C6orf89: variants seen among roughly 807,000 people sequenced by gnomAD.
C6orf89 encodes bombesin receptor-activated protein C6orf89.
In C6orf89, 29 loss-of-function variants were observed where a neutral mutation model predicts 40.7. The observed-to-expected ratio is 0.71, with a 90% CI of 0.53 to 0.97. C6orf89 has a LOEUF of 0.97. C6orf89 is among the 50% of genes least tolerant of loss of function. The pLI is 0.00. For synonymous variants in C6orf89, 165 were observed against 152.2 expected, an observed-to-expected ratio of 1.08 and a Z score of -0.62; for missense variants, 392 against 429.1, an observed-to-expected ratio of 0.91 and a Z score of 0.76.
intron 8 of C6orf89, 40 bp from the exon 9 acceptor site, chr6:36,923,307 C>G: frequency 6.5e-7 from 1 of 1,543,314 alleles, no homozygotes; most frequent in Non-Finnish European, 8.9e-7. Context: ...TGCCCACCCT[C>G]TGACATTTAC....
At chr6:36,879,583 T>C (rs767731071) in intron 2 of C6orf89, among the ~76,000 whole-genome samples, 10 of 152,206 alleles carry the variant, frequency 6.6e-5, no homozygotes, top group Non-Finnish European at 1.2e-4. Context: ...TCTAAGGTTT[T>C]GATTAATGCA....
chr6:36,919,159 A>T (rs572903684), intron 7 of C6orf89, among the ~76,000 whole-genome samples: 34 of 152,260 alleles, frequency 2.2e-4, no homozygotes, highest in Non-Finnish European at 4.1e-4. Context: ...TGTATACTTC[A>T]GCCACCATGT....
In C6orf89 at chr6:36,914,646, G is replaced by C. The variant is rs545150712; in HGVS notation, c.648G>C (p.Lys216Asn). 3.0e-5 allele frequency: 48 copies of C among 1,614,110 alleles called. No individual in the cohort carries two copies. Among genetic ancestry groups the C allele is most frequent in the Admixed American group, 8.3e-5 (5 of 60,010 alleles). The change falls in exon 6 of 9, where the codon AAG (lysine) becomes AAC (asparagine). Residue 216 changes from lysine to asparagine, a missense_variant. Physicochemically the swap from Lys to Asn is moderately conservative, Grantham distance 94. Coordinates refer to ENST00000480824, the MANE Select transcript of C6orf89 (RefSeq NM_001286635.2). Reference sequence around the variant, plus strand: ...GCTTCTCTGAAGGGTTTTTCGCCAAGTGGTGGCGCTGCTTTCCTGAGCGGT... The same window carrying C: ...GCTTCTCTGAAGGGTTTTTCGCCAACTGGTGGCGCTGCTTTCCTGAGCGGT... ...TEGFSEGFFA[K>N]WWRCFPERWF...
At chr6:36,919,915 A>G (rs549258039) in intron 8 of C6orf89, among the ~76,000 whole-genome samples, 3 of 152,362 alleles carry the variant, frequency 2.0e-5, no homozygotes, top group African/African-American at 7.2e-5. Flanking sequence ...TACAACATAT[A>G]GAATGCGTGT....
chr6:36,928,316 A>G lies in C6orf89; in HGVS notation c.*4875A>G. On this transcript the variant is annotated 3_prime_UTR_variant, in exon 9 of 9. Transcript: ENST00000480824. ...GCCGAGGTCTGAGTTTCAGACAGAA[A>G]CTGGGGAGTTGGGACATCTTCTCTG... is the stretch of plus-strand genomic sequence containing the variant. 6.6e-6 allele frequency: 1 copy of G among 152,378 alleles called. No homozygotes were observed. The highest frequency in any genetic ancestry group is 1.5e-5 in the Non-Finnish European group (1 of 68,112). 9.4% of individuals were successfully genotyped at this position (152,378 alleles called of 1,614,324 possible).
intron 4 of C6orf89, among the ~76,000 whole-genome samples, chr6:36,905,331 A>G (rs912389401): frequency 2.2e-4 from 34 of 152,178 alleles, no homozygotes; most frequent in African/African-American, 8.0e-4. Flanking sequence ...TGATGTGAGT[A>G]GTCTGTAGCT....
At chr6:36,904,941 G>A (rs1054375529) in intron 4 of C6orf89, among the ~76,000 whole-genome samples, 17 of 152,102 alleles carry the variant, frequency 1.1e-4, no homozygotes, top group African/African-American at 4.1e-4. Context: ...GGAACAAAAA[G>A]GTGACAGAGG....
intron 4 of C6orf89, among the ~76,000 whole-genome samples, chr6:36,904,249 T>C (rs1041780782): frequency 2.0e-5 from 3 of 152,228 alleles, no homozygotes; most frequent in Non-Finnish European, 4.4e-5. Context: ...CTTCTCTAAA[T>C]CATAGTTTAA....
chr6:36,909,893 C>T (rs1762064847), intron 4 of C6orf89, among the ~76,000 whole-genome samples: 1 of 151,756 alleles, frequency 6.6e-6, no homozygotes, highest in African/African-American at 2.4e-5. Context: ...TCCATTTTTC[C>T]TTTATAGCCT....
At chr6:36,897,782 C>G (rs368608268) in intron 2 of C6orf89, among the ~76,000 whole-genome samples, 1 of 152,206 alleles carries the variant, frequency 6.6e-6, no homozygotes, top group Non-Finnish European at 1.5e-5. Flanking sequence ...AGGAGGTGTG[C>G]TGGCGTGCGC....
chr6:36,890,785 C>T (rs534875355), intron 1 of C6orf89, among the ~76,000 whole-genome samples: 5 of 152,280 alleles, frequency 3.3e-5, no homozygotes, highest in South Asian at 2.1e-4. Context: ...GTGATCCACC[C>T]GCCTCAACCT....
At chr6:36,882,912 TG>T (rs1422302769), upstream of C6orf89, among the ~76,000 whole-genome samples, 1 of 151,522 alleles carries the variant, frequency 6.6e-6, no homozygotes, top group Non-Finnish European at 1.5e-5. Context: ...TAATTTTTTT[TG>T]TATTTTTAGT....
chr6:36,874,858 G>T, intron 1 of C6orf89: 2 of 1,466,746 alleles, frequency 1.4e-6, no homozygotes, highest in Non-Finnish European at 1.9e-6. Context: ...GCACACTTCC[G>T]GTCCGTTCAA....
rs1426895345 is a variant in C6orf89, at chr6:36,927,811, TCAC to T, written c.*4373_*4375del. 1 of 152,374 alleles carries T rather than the reference TCAC, an allele frequency of 6.6e-6. No individual in the cohort carries two copies. Among genetic ancestry groups the T allele is most frequent in the Non-Finnish European group, 1.5e-5 (1 of 68,136 alleles). 9.4% of individuals were successfully genotyped at this position (152,374 alleles called of 1,614,324 possible). A position where few individuals can be genotyped will look rare whatever the true frequency, so the allele number is the denominator to read the frequency against. On this transcript the variant is annotated 3_prime_UTR_variant, in exon 9 of 9. Transcript: ENST00000480824. ...GGAAGCCTCCGGGAATGTGTTTGTG[TCAC>T]CAGCAGCAGGCATTTCCCTGTCCTC...
At position 36,925,337 on chromosome 6, in the gene C6orf89, A is replaced by T. The variant is rs984951708; in HGVS notation, c.*1896A>T. 6.6e-5 allele frequency: 10 copies of T among 152,206 alleles called. No individual in the cohort carries two copies. Among genetic ancestry groups the T allele is most frequent in the African/African-American group, 2.4e-4 (10 of 41,442 alleles). 9.4% of individuals were successfully genotyped at this position (152,206 alleles called of 1,614,324 possible). A position where few individuals can be genotyped will look rare whatever the true frequency, so the allele number is the denominator to read the frequency against. On this transcript the variant is annotated 3_prime_UTR_variant, in exon 9 of 9. Coordinates refer to ENST00000480824, the MANE Select transcript of C6orf89 (RefSeq NM_001286635.2). ...CAAAAGAGAGGGTTTCTTAGGAACA[A>T]AGCAACTATTTTGATTACTGAGATC...
intron 1 of C6orf89, among the ~76,000 whole-genome samples, chr6:36,890,231 A>G (rs945761896): frequency 2.0e-5 from 3 of 152,212 alleles, no homozygotes; most frequent in South Asian, 4.1e-4. Context: ...ACTGTGCTGT[A>G]TAGTAGGTCT....
chr6:36,899,595 C>A lies in C6orf89; in HGVS notation c.151C>A (p.Pro51Thr). The A allele has an allele frequency of 6.2e-7, 1 of 1,610,094 alleles. No homozygotes were observed. The highest frequency in any genetic ancestry group is 8.5e-7 in the Non-Finnish European group (1 of 1,177,008). ...GCTGGAAAAGAATGAACCTCAGAGACCCCCCCCGCAGTATCCTCTCCTTAT... is the reference window on the plus strand; with the variant it reads ...GCTGGAAAAGAATGAACCTCAGAGAACCCCCCCGCAGTATCCTCTCCTTAT... ...QLLEKNEPQR[P>T]PPQYPLLIVV... The change falls in exon 3 of 9, where the codon CCC becomes ACC. Residue 51 changes from proline (P) to threonine (T), a missense_variant. Physicochemically the swap from Pro to Thr is conservative, Grantham distance 38 (BLOSUM62 -1). Transcript: ENST00000480824.
chr6:36,902,344 A>G lies in C6orf89; in HGVS notation c.313A>G (p.Arg105Gly). The stretch of plus-strand genomic sequence containing the variant: ...CTGGCGCTCACTCATCCATCACATT[A>G]GGCTGATGTCCTTGCCCATTGCCAA... Reference protein sequence around the residue: ...HTWRSLIHHIRLMSLPIAKKY... With the variant: ...HTWRSLIHHIGLMSLPIAKKY... Residue 105 changes from arginine to glycine, a missense_variant, in exon 4 of 9, where the codon AGG (arginine) becomes GGG (glycine). Physicochemically the swap from Arg to Gly is moderately radical, Grantham distance 125. Coordinates refer to ENST00000480824, the MANE Select transcript of C6orf89 (RefSeq NM_001286635.2). The G allele has an allele frequency of 6.2e-7, 1 of 1,614,228 alleles. No homozygotes were observed. The highest frequency in any genetic ancestry group is 1.1e-5 in the South Asian group (1 of 91,086).
intron 8 of C6orf89, among the ~76,000 whole-genome samples, chr6:36,922,611 CA>C (rs1256257780): frequency 1.3e-5 from 2 of 152,134 alleles, no homozygotes; most frequent in Middle Eastern, 3.2e-3. Context: ...ATGCATAGTA[CA>C]TTATTAGTGT....
Sources: gnomAD v4.1 joint callset for allele counts (sites outside exome capture counted in the v4.1 genomes callset) on GRCh38, gnomAD v4.1.1 for gene constraint, MANE v1.5 for transcripts, NCBI Gene and HGNC (gene_info 2026-07-23, HGNC 2026-07-21) for gene names.